The following LMF1 variants were observed in gnomAD, a reference collection of about 807,000 sequenced individuals.
LMF1 encodes the protein transmembrane protein 112.
In LMF1, 68 loss-of-function variants were observed where a neutral mutation model predicts 60.6. That is an observed-to-expected ratio of 1.12 (90% CI 0.92 to 1.37). The LOEUF (loss-of-function observed/expected upper bound fraction) is 1.37, where lower values mean the gene tolerates loss of function less well. Among genes scored for constraint, LMF1 ranks in the 40% most tolerant of loss-of-function variants. The pLI, the probability that LMF1 is intolerant of heterozygous loss-of-function variation, is 0.00. For missense variants in LMF1, 948 were observed against 767.2 expected, an observed-to-expected ratio of 1.24 and a Z score of -2.78; for synonymous variants, 418 against 324.7, an observed-to-expected ratio of 1.29 and a Z score of -3.09.
rs942788284 is a variant in LMF1 at position 872,412 on chromosome 16, G to A, written c.898-1071C>T. The A allele has an allele frequency of 2.6e-5, 4 of 152,424 alleles. 1 individual carries two copies. 9.4% of individuals were successfully genotyped at this position (152,424 alleles called of 1,614,324 possible). ...GGTGTTTTATGAACTGTGCACTCAT[G>A]GCTCTCCCTGGGTGAATTGGGAAAA... On this transcript the variant is annotated intron_variant, in intron 6 of 10. Coordinates refer to ENST00000262301, the MANE Select transcript of LMF1 (RefSeq NM_022773.4).
intron 10 of LMF1, among the ~76,000 whole-genome samples, chr16:859,063 G>C (rs368018068): frequency 2.6e-5 from 1 of 39,140 alleles, no homozygotes; most frequent in Non-Finnish European, 5.6e-5. Context: ...GGTGTGAGTG[G>C]TGTCACGGGA....
At chr16:927,910 G>A (rs1221750869) in intron 3 of LMF1, among the ~76,000 whole-genome samples, 14 of 152,328 alleles carry the variant, frequency 9.2e-5, no homozygotes, top group Admixed American at 2.6e-4. Context: ...GCACACGCAC[G>A]GCGACACTTG....
At chr16:871,799 T>TG (rs368917607) in intron 6 of LMF1, 38 of 156,790 alleles carry the variant, frequency 2.4e-4, no homozygotes, top group African/African-American at 4.6e-4. Flanking sequence ...ACAGGGGCCG[T>TG]GGGGGGGCCA....
chr16:871,459 G>C (rs1472808830), intron 6 of LMF1, 118 bp from the exon 7 acceptor site: 19 of 1,042,470 alleles, frequency 1.8e-5, no homozygotes, highest in Non-Finnish European at 2.6e-5. Context: ...CTCTGCCCTT[G>C]CTGTCCCTCG....
chr16:976,053 G>A (rs1313635478), intron 1 of LMF1: 15 of 341,528 alleles, frequency 4.4e-5, no homozygotes, highest in Non-Finnish European at 6.4e-5. Context: ...TTGGAAGGAC[G>A]GACACAGGTC....
At chr16:881,199 C>T (rs2070153245) in intron 5 of LMF1, among the ~76,000 whole-genome samples, 2 of 152,070 alleles carry the variant, frequency 1.3e-5, no homozygotes, top group African/African-American at 2.4e-5. Context: ...TGTGCACACC[C>T]GAGGGGGTGA....
chr16:971,147 C>G (rs1310272011), upstream of LMF1: 6 of 663,194 alleles, frequency 9.0e-6, no homozygotes, highest in Non-Finnish European at 1.3e-5. Flanking sequence ...CCAGCCGGCC[C>G]CGCCCACGCG....
chr16:940,730 G>A lies in LMF1; in HGVS notation c.504-6476C>T, dbSNP rs77790658. Among the ~76,000 whole-genome samples the A allele has an allele frequency of 1.6e-4, 24 of 152,312 alleles. No individual in the cohort carries two copies. In the East Asian group the frequency reaches 4.4e-3, roughly 28 times the overall value. ...GTTAAACCTACTGCAGCTGATCCCT[G>A]CAGGAATGAAAAGAACACTCTTCTT... On this transcript the variant is annotated intron_variant, in intron 2 of 10. Transcript: ENST00000262301.
chr16:876,677 C>T (rs987289263), intron 6 of LMF1, among the ~76,000 whole-genome samples: 3 of 151,194 alleles, frequency 2.0e-5, no homozygotes, highest in African/African-American at 4.9e-5. Context: ...TGGCTTGGGG[C>T]GGACAGAGGC....
chr16:931,120 C>CA (rs797002173), intron 3 of LMF1, among the ~76,000 whole-genome samples: 61 of 141,314 alleles, frequency 4.3e-4, no homozygotes, highest in East Asian at 1.0e-3. Flanking sequence ...GACTCCATCT[C>CA]AAAAAAAAAA....
At chr16:908,399 A>G (rs914441097) in intron 4 of LMF1, among the ~76,000 whole-genome samples, 9 of 151,958 alleles carry the variant, frequency 5.9e-5, no homozygotes, top group African/African-American at 1.9e-4. Context: ...CCACTCACGC[A>G]CCCCTCAGCC....
intron 10 of LMF1, among the ~76,000 whole-genome samples, chr16:862,765 G>A (rs562930752): frequency 8.8e-4 from 134 of 152,248 alleles, no homozygotes; most frequent in African/African-American, 3.2e-3. Context: ...GGCTGAGGCG[G>A]GAGGATAATT....
intron 2 of LMF1, among the ~76,000 whole-genome samples, chr16:951,426 T>C (rs1183078399): frequency 6.6e-6 from 1 of 152,250 alleles, no homozygotes. Context: ...GCAGATGCTG[T>C]GCTCAGGGCT....
intron 10 of LMF1, 107 bp downstream of exon 10, chr16:868,837 G>A: frequency 6.8e-6 from 5 of 736,736 alleles, no homozygotes; most frequent in Non-Finnish European, 4.7e-6. Flanking sequence ...CGGGAGGGAA[G>A]GGGCGCTTCC....
At position 879,166 on chromosome 16, in the gene LMF1, T is replaced by C. The variant is rs576258237; in HGVS notation, c.897+404A>G. On this transcript the variant is annotated intron_variant, in intron 6 of 10. Coordinates refer to ENST00000262301, the MANE Select transcript of LMF1 (RefSeq NM_022773.4). ...AATGACCCTGGCCTCTCTCAGACCC[T>C]GGTTCCCCGTGGACTGACATGAACA... Among the ~76,000 whole-genome samples the C allele has an allele frequency of 5.3e-5, 8 of 152,256 alleles. No individual in the cohort carries two copies. In the South Asian group the frequency reaches 1.7e-3, roughly 31 times the overall value.
rs146669553 is a variant in LMF1, at chr16:874,781, G to A, written c.898-3440C>T. On this transcript the variant is annotated intron_variant, in intron 6 of 10. Coordinates refer to ENST00000262301, the MANE Select transcript of LMF1 (RefSeq NM_022773.4). This position sits in a 1 kb window ranked among gnomAD's most constrained non-coding sequence, Gnocchi z 4.1. Reference sequence around the variant, plus strand: ...GAACCAGGACAGGCTCCAGGCAGGCGGCGCTCAGAAGTCTCAGGGCACTCG... The same window carrying A: ...GAACCAGGACAGGCTCCAGGCAGGCAGCGCTCAGAAGTCTCAGGGCACTCG... 3.9e-5 allele frequency among the ~76,000 whole-genome samples: 6 copies of A among 152,238 alleles called. No individual in the cohort carries two copies. In the East Asian group the frequency reaches 7.7e-4, roughly 20 times the overall value.
intron 3 of LMF1, among the ~76,000 whole-genome samples, chr16:927,502 G>A (rs1404422498): frequency 6.6e-6 from 1 of 152,272 alleles, no homozygotes; most frequent in East Asian, 1.9e-4. Flanking sequence ...CCCGGCAGCT[G>A]AGCGAGCTCA....
At chr16:882,599 C>T (rs1444159795) in intron 5 of LMF1, among the ~76,000 whole-genome samples, 1 of 152,208 alleles carries the variant, frequency 6.6e-6, no homozygotes, top group Non-Finnish European at 1.5e-5. Context: ...CAGGGGAGCC[C>T]ATAACAGGAC....
At chr16:898,102 C>G (rs780611210) in intron 4 of LMF1, among the ~76,000 whole-genome samples, 1 of 152,234 alleles carries the variant, frequency 6.6e-6, no homozygotes, top group East Asian at 1.9e-4. Flanking sequence ...TCCATGGCTC[C>G]TGATGAAGGG....
Sources: allele counts gnomAD v4.1 joint callset (sites outside exome capture counted in the v4.1 genomes callset), GRCh38; gene constraint gnomAD v4.1.1; non-coding constraint Gnocchi (gnomAD v3.1); transcripts MANE v1.5; gene names NCBI Gene and HGNC (gene_info 2026-07-23, HGNC 2026-07-21).